Variants in ATP10B observed in about 807,000 individuals in gnomAD.
ATP10B encodes phospholipid-transporting ATPase VB.
A neutral mutation model predicts 141.2 loss-of-function variants in ATP10B; 122 were observed. The observed-to-expected ratio is 0.86, with a 90% CI of 0.75 to 1.00. ATP10B has a LOEUF of 1.00. Among genes scored for constraint, ATP10B ranks in the 50% least tolerant of loss-of-function variants. The pLI, the probability that ATP10B is intolerant of heterozygous loss-of-function variation, is 0.00. For missense variants in ATP10B, 1,876 were observed against 1,825.3 expected, an observed-to-expected ratio of 1.03 and a Z score of -0.51; for synonymous variants, 685 against 692.0, an observed-to-expected ratio of 0.99 and a Z score of 0.16.
intron 13 of ATP10B, among the ~76,000 whole-genome samples, chr5:160,625,275 T>C (rs2127654342): frequency 6.6e-6 from 1 of 152,334 alleles, no homozygotes; most frequent in East Asian, 1.9e-4. Flanking sequence ...CTTTGAGACT[T>C]GCTACCACCC....
chr5:160,872,586 TC>T, the ATP10B span, among the ~76,000 whole-genome samples: 1 of 152,226 alleles, frequency 6.6e-6, no homozygotes, highest in African/African-American at 2.4e-5. Flanking sequence ...AGTTTTATTC[TC>T]CATGTGGATA....
intron 6 of ATP10B, among the ~76,000 whole-genome samples, chr5:160,675,148 T>A (rs1012284159): frequency 4.6e-5 from 7 of 152,116 alleles, no homozygotes; most frequent in African/African-American, 1.4e-4. Flanking sequence ...CCTGCAGAAG[T>A]CATTCTCTCA....
rs374125384 is a variant in ATP10B, at chr5:160,782,205, C to T, written c.-331+3354G>A. On this transcript the variant is annotated intron_variant, in intron 2 of 25. Transcript: ENST00000327245. ...CGCAGTAATGTAAATATATTAAACACTTGGTATATATTGGTCAGTAACAGC... is the reference window on the plus strand; with the variant it reads ...CGCAGTAATGTAAATATATTAAACATTTGGTATATATTGGTCAGTAACAGC... Among the ~76,000 whole-genome samples the T allele has an allele frequency of 3.6e-3, 544 of 152,172 alleles. 3 individuals carry two copies. Among genetic ancestry groups the T allele is most frequent in the South Asian group, 0.014 (66 of 4,820 alleles).
chr5:160,877,336 C>G, the ATP10B span, among the ~76,000 whole-genome samples: 9 of 134,360 alleles, frequency 6.7e-5, no homozygotes, highest in Middle Eastern at 3.4e-3. Context: ...ATTCAACAAC[C>G]CTTCATGCTA....
At chr5:160,632,583 G>T in intron 12 of ATP10B, 2 of 325,212 alleles carry the variant, frequency 6.1e-6, no homozygotes, top group East Asian at 5.0e-5. Flanking sequence ...ATGTGACTTT[G>T]AGCTTTGACA....
chr5:160,776,309 G>A (rs1451072323), intron 2 of ATP10B, among the ~76,000 whole-genome samples: 3 of 152,290 alleles, frequency 2.0e-5, no homozygotes, highest in East Asian at 1.9e-4. Flanking sequence ...TTGGTCTTGG[G>A]CAAGTTATTT....
At chr5:160,865,477 G>C in the ATP10B span, among the ~76,000 whole-genome samples, 3 of 152,204 alleles carry the variant, frequency 2.0e-5, no homozygotes, top group South Asian at 6.2e-4. Context: ...AATTCTAGAA[G>C]ATAACATTGG....
intron 7 of ATP10B, among the ~76,000 whole-genome samples, chr5:160,666,222 G>A (rs952872650): frequency 2.6e-5 from 4 of 152,092 alleles, no homozygotes; most frequent in African/African-American, 7.2e-5. Flanking sequence ...GGTTTATATC[G>A]AGATTGTCTG....
chr5:160,651,538 A>G (rs1383596991), intron 7 of ATP10B, among the ~76,000 whole-genome samples: 5 of 152,062 alleles, frequency 3.3e-5, no homozygotes, highest in Non-Finnish European at 7.4e-5. Flanking sequence ...GTGTTGAAAC[A>G]TGTAACATTC....
the ATP10B span, among the ~76,000 whole-genome samples, chr5:160,907,362 CTT>C: frequency 6.6e-6 from 1 of 151,420 alleles, no homozygotes; most frequent in African/African-American, 2.4e-5. Flanking sequence ...ACGCTAAACT[CTT>C]TACCTGCATT....
intron 24 of ATP10B, among the ~76,000 whole-genome samples, chr5:160,585,558 C>T (rs564472437): frequency 3.3e-5 from 5 of 152,202 alleles, no homozygotes; most frequent in African/African-American, 4.8e-5. Flanking sequence ...GCCAAGATGG[C>T]GCCACTGCAC....
chr5:160,593,468 A>G (rs571803264), intron 22 of ATP10B, among the ~76,000 whole-genome samples: 1 of 152,244 alleles, frequency 6.6e-6, no homozygotes, highest in Non-Finnish European at 1.5e-5. Flanking sequence ...AAGATGGGGA[A>G]AAAACAGAGC....
intron 18 of ATP10B, chr5:160,612,405 T>C (rs1757765793): frequency 5.4e-6 from 1 of 185,762 alleles, no homozygotes; most frequent in Non-Finnish European, 1.1e-5. Flanking sequence ...AGGGTAAACC[T>C]GAGCAAGAGA....
chr5:160,747,956 G>A (rs1767911290), intron 2 of ATP10B, among the ~76,000 whole-genome samples: 1 of 138,332 alleles, frequency 7.2e-6, no homozygotes, highest in Non-Finnish European at 1.5e-5. Flanking sequence ...ATGGCTCCCA[G>A]GATGAAGAGG....
intron 2 of ATP10B, among the ~76,000 whole-genome samples, chr5:160,733,347 T>C (rs1024942540): frequency 4.6e-5 from 7 of 152,154 alleles, no homozygotes; most frequent in African/African-American, 1.7e-4. Flanking sequence ...ATATATGTTA[T>C]TGAAGTTTCA....
chr5:160,707,917 T>C (rs924497892), intron 3 of ATP10B, among the ~76,000 whole-genome samples: 49 of 152,264 alleles, frequency 3.2e-4, no homozygotes, highest in African/African-American at 1.1e-3. Flanking sequence ...AGAAGAATGA[T>C]AGAGTGATGT....
At position 160,603,857 on chromosome 5, in the gene ATP10B, T is replaced by C. The variant is rs142747095; in HGVS notation, c.3237+108A>G. On this transcript the variant is annotated intron_variant, in intron 20 of 25. Coordinates refer to ENST00000327245, the MANE Select transcript of ATP10B (RefSeq NM_025153.3). ...ATTGCTTATGGAGGGCATTGCAACT[T>C]TGGATGTGGGTGGAAGTTCTCAGGG... 5.1e-3 allele frequency: 4,563 copies of C among 887,406 alleles called. 17 individuals carry two copies. The highest frequency in any genetic ancestry group is 7.1e-3 in the Non-Finnish European group (3,874 of 542,030). The allele number at this position is 887,406 out of a possible 1,614,324, so 55.0% of individuals were successfully genotyped here. A position where few individuals can be genotyped will look rare whatever the true frequency, so the allele number is the denominator to read the frequency against.
the ATP10B span, among the ~76,000 whole-genome samples, chr5:160,910,224 G>A: frequency 6.6e-6 from 1 of 152,076 alleles, no homozygotes. Context: ...TTCAAGATGA[G>A]ACTGGTTCCT....
At chr5:160,825,686 T>A (rs939025379) in intron 1 of ATP10B, among the ~76,000 whole-genome samples, 14 of 152,160 alleles carry the variant, frequency 9.2e-5, no homozygotes, top group African/African-American at 3.4e-4. Context: ...TTTAAAAAAA[T>A]TTGACTTTCA....
Sources: allele counts gnomAD v4.1 joint callset (sites outside exome capture counted in the v4.1 genomes callset), GRCh38; gene constraint gnomAD v4.1.1; transcripts MANE v1.5; gene names NCBI Gene and HGNC (gene_info 2026-07-23, HGNC 2026-07-21).